The following DTWD2 variants were observed in gnomAD, a reference collection of about 807,000 sequenced individuals.
DTWD2 encodes tRNA-uridine aminocarboxypropyltransferase 2.
A neutral mutation model predicts 31.8 loss-of-function variants in DTWD2; 39 were observed. The ratio of observed to expected loss-of-function variants is 1.22; its 90% CI spans 0.95 to 1.60. The LOEUF is 1.60. Ranked by LOEUF, DTWD2 falls within the 40% of genes most tolerant of loss-of-function variation. The pLI is 0.00. For synonymous variants in DTWD2, 180 were observed against 142.8 expected, an observed-to-expected ratio of 1.26 and a Z score of -1.86; for missense variants, 515 against 381.5, an observed-to-expected ratio of 1.35 and a Z score of -2.92.
intron 3 of DTWD2, among the ~76,000 whole-genome samples, chr5:118,933,653 A>C (rs557838409): frequency 3.7e-4 from 56 of 152,288 alleles, no homozygotes; most frequent in African/African-American, 1.3e-3. Context: ...GAATGTCCTC[A>C]GTTTAGTAAA....
At chr5:118,858,653 A>T (rs1238424987) in intron 4 of DTWD2, among the ~76,000 whole-genome samples, 1 of 152,164 alleles carries the variant, frequency 6.6e-6, no homozygotes, top group African/African-American at 2.4e-5. Context: ...CTCTTTTTTT[A>T]AAACTATATT....
intron 3 of DTWD2, among the ~76,000 whole-genome samples, chr5:118,938,908 T>C (rs1044484045): frequency 6.7e-6 from 1 of 149,602 alleles, no homozygotes; most frequent in African/African-American, 2.5e-5. Flanking sequence ...AAAAATGATA[T>C]AAACACTAAG....
At chr5:118,869,418 G>C (rs1470481053) in intron 4 of DTWD2, among the ~76,000 whole-genome samples, 2 of 151,982 alleles carry the variant, frequency 1.3e-5, no homozygotes, top group African/African-American at 4.8e-5. Context: ...ATTGAGGAGG[G>C]GTTCCTACTG....
intron 4 of DTWD2, among the ~76,000 whole-genome samples, chr5:118,877,527 G>T (rs1237452507): frequency 6.6e-6 from 1 of 151,770 alleles, no homozygotes; most frequent in African/African-American, 2.4e-5. Context: ...AGTCATTGAA[G>T]AAACATACCT....
chr5:118,938,833 G>C (rs1283977304), intron 3 of DTWD2, among the ~76,000 whole-genome samples: 1 of 135,676 alleles, frequency 7.4e-6, no homozygotes, highest in East Asian at 2.1e-4. Context: ...AAAAGTTGTG[G>C]AAGATATTTA....
intron 1 of DTWD2, among the ~76,000 whole-genome samples, chr5:118,984,561 G>A (rs979508549): frequency 2.0e-5 from 3 of 152,152 alleles, no homozygotes; most frequent in African/African-American, 7.2e-5. Context: ...CTGGCAGATG[G>A]CTGGTGTTTA....
At chr5:118,970,687 A>G (rs1339068107) in intron 1 of DTWD2, among the ~76,000 whole-genome samples, 1 of 152,158 alleles carries the variant, frequency 6.6e-6, no homozygotes, top group Non-Finnish European at 1.5e-5. Context: ...ACACGTAATC[A>G]ACAGATTCTC....
intron 4 of DTWD2, among the ~76,000 whole-genome samples, chr5:118,875,326 A>G (rs758339926): frequency 4.6e-5 from 7 of 152,198 alleles, no homozygotes; most frequent in Admixed American, 3.3e-4. Context: ...TAGCATCATG[A>G]TGACAGGAAC....
chr5:118,923,524 C>A (rs994770219), intron 4 of DTWD2, among the ~76,000 whole-genome samples: 2 of 152,198 alleles, frequency 1.3e-5, no homozygotes, highest in African/African-American at 4.8e-5. Flanking sequence ...AAGGGAGGCA[C>A]TGCGCATGCG....
In DTWD2 at chr5:118,840,109, A is replaced by G. The variant is rs901113082; in HGVS notation, c.*808T>C. The stretch of plus-strand genomic sequence containing the variant: ...GAGCAGGAAGAATTTTTTCTCTCAA[A>G]TGGAAAGTTTTTGCTCGTTAAAAAG... On this transcript the variant is annotated 3_prime_UTR_variant, in exon 6 of 6. Transcript: ENST00000510708. The G allele has an allele frequency of 7.2e-5, 11 of 152,306 alleles. No homozygotes were observed. Among genetic ancestry groups the G allele is most frequent in the African/African-American group, 2.6e-4 (11 of 41,580 alleles). 9.4% of individuals were successfully genotyped at this position (152,306 alleles called of 1,614,324 possible).
At chr5:118,986,818 T>C (rs879883015) in intron 1 of DTWD2, among the ~76,000 whole-genome samples, 5 of 152,260 alleles carry the variant, frequency 3.3e-5, no homozygotes, top group Admixed American at 6.5e-5. Flanking sequence ...TGTAGAATTA[T>C]AGTCTACCTA....
intron 4 of DTWD2, among the ~76,000 whole-genome samples, chr5:118,886,657 G>A (rs1404156902): frequency 6.6e-6 from 1 of 152,048 alleles, no homozygotes; most frequent in South Asian, 2.1e-4. Context: ...AGAGAATGCT[G>A]TATACTACAT....
At position 118,838,697 on chromosome 5, in the gene DTWD2, T is replaced by TA. The variant is rs1751633436; in HGVS notation, c.*2219dup. On this transcript the variant is annotated 3_prime_UTR_variant, in exon 6 of 6. Transcript: ENST00000510708. ...AGGTCAGTAAAGTAATTTGGAAAAC[T>TA]ATACATACTTCAAGAAAATTTTATA... 2.0e-5 allele frequency: 3 copies of TA among 152,086 alleles called. No homozygotes were observed. The highest frequency in any genetic ancestry group is 4.4e-5 in the Non-Finnish European group (3 of 67,998). 9.4% of individuals were successfully genotyped at this position (152,086 alleles called of 1,614,324 possible).
rs1425365375 is a variant in DTWD2 at position 118,921,446 on chromosome 5, G to C, written c.597+7091C>G. 2.0e-5 allele frequency among the ~76,000 whole-genome samples: 3 copies of C among 150,950 alleles called. No individual in the cohort carries two copies. In the East Asian group the frequency reaches 5.8e-4, roughly 29 times the overall value. The stretch of plus-strand genomic sequence containing the variant: ...AGGTGGGTGGATCGCTTTGAGCCTA[G>C]GAGTTGGAAGCTGCAGTGAGCTATA... On this transcript the variant is annotated intron_variant, in intron 4 of 5. Coordinates refer to ENST00000510708, the MANE Select transcript of DTWD2 (RefSeq NM_173666.4).
intron 4 of DTWD2, among the ~76,000 whole-genome samples, chr5:118,883,735 G>A (rs1001376889): frequency 3.9e-5 from 6 of 152,110 alleles, no homozygotes; most frequent in Non-Finnish European, 1.5e-5. Flanking sequence ...GCACCCCCAT[G>A]ATCCAATCAC....
At chr5:118,973,621 G>A (rs760693332) in intron 1 of DTWD2, among the ~76,000 whole-genome samples, 1 of 23,610 alleles carries the variant, frequency 4.2e-5, no homozygotes, top group Admixed American at 6.9e-4. Context: ...CCTTGCTCGC[G>A]GCAGCCTCCT....
At chr5:118,894,783 A>T (rs191614673) in intron 4 of DTWD2, among the ~76,000 whole-genome samples, 3 of 152,270 alleles carry the variant, frequency 2.0e-5, no homozygotes, top group Admixed American at 2.0e-4. Context: ...AACAGATGCT[A>T]AAAAAGATTT....
chr5:118,933,487 G>A (rs1224844337), intron 3 of DTWD2, among the ~76,000 whole-genome samples: 1 of 152,094 alleles, frequency 6.6e-6, no homozygotes, highest in African/African-American at 2.4e-5. Flanking sequence ...GGGATGGAAG[G>A]TTGGTTTAAC....
chr5:118,903,716 C>T (rs1046954306), intron 4 of DTWD2, among the ~76,000 whole-genome samples: 5 of 151,512 alleles, frequency 3.3e-5, no homozygotes, highest in African/African-American at 1.2e-4. Context: ...AGATGAAATC[C>T]CATTAAAAAT....
Sources: allele counts gnomAD v4.1 joint callset (sites outside exome capture counted in the v4.1 genomes callset), GRCh38; gene constraint gnomAD v4.1.1; transcripts MANE v1.5; gene names NCBI Gene and HGNC (gene_info 2026-07-23, HGNC 2026-07-21).